The following CSMD1 variants were observed in gnomAD, a reference collection of about 807,000 sequenced individuals.
CSMD1 encodes the protein CUB and sushi domain-containing protein 1.
A neutral mutation model predicts 417.5 loss-of-function variants in CSMD1; 213 were observed. That is an observed-to-expected ratio of 0.51 (90% CI 0.46 to 0.57). The LOEUF is 0.57. Among genes scored for constraint, CSMD1 ranks in the 20% least tolerant of loss-of-function variants. The pLI is 0.00. For missense variants in CSMD1, 6,923 were observed against 4,529.7 expected (o/e 1.53, Z -15.17); for synonymous variants, 2,862 against 1,736.8 (o/e 1.65, Z -16.11).
intron 1 of CSMD1, among the ~76,000 whole-genome samples, chr8:4,985,460 T>C (rs975830062): frequency 6.6e-6 from 1 of 152,196 alleles, no homozygotes; most frequent in Non-Finnish European, 1.5e-5. Flanking sequence ...GTTTGGCACA[T>C]GCCATAATTC....
chr8:3,593,053 G>C (rs1295466531), intron 8 of CSMD1, among the ~76,000 whole-genome samples: 3 of 152,156 alleles, frequency 2.0e-5, no homozygotes, highest in Non-Finnish European at 4.4e-5. Flanking sequence ...GCCCTGGCTG[G>C]GGGGTCCTGC....
chr8:2,993,417 G>C (rs752970109), intron 54 of CSMD1, among the ~76,000 whole-genome samples: 5 of 152,110 alleles, frequency 3.3e-5, no homozygotes, highest in African/African-American at 4.8e-5. Context: ...CCCCTGTCCG[G>C]CATCACTTTC....
chr8:3,556,628 G>A (rs1034109262), intron 10 of CSMD1, among the ~76,000 whole-genome samples: 4 of 151,274 alleles, frequency 2.6e-5, no homozygotes, highest in Admixed American at 1.3e-4. Flanking sequence ...AAACATTGTC[G>A]TGGGGGCTGC....
chr8:4,306,381 G>A (rs1798247400), intron 3 of CSMD1, among the ~76,000 whole-genome samples: 1 of 131,848 alleles, frequency 7.6e-6, no homozygotes, highest in African/African-American at 3.0e-5. Context: ...CTCTGATAAT[G>A]CTGGATTAAA....
At chr8:4,695,203 C>T (rs1425991505) in intron 1 of CSMD1, among the ~76,000 whole-genome samples, 1 of 152,026 alleles carries the variant, frequency 6.6e-6, no homozygotes, top group Non-Finnish European at 1.5e-5. Flanking sequence ...TTGTCATTTC[C>T]CTTCCTATGG....
intron 3 of CSMD1, among the ~76,000 whole-genome samples, chr8:4,191,737 G>C (rs1230863037): frequency 2.1e-5 from 2 of 95,744 alleles, no homozygotes; most frequent in Admixed American, 1.5e-4. Flanking sequence ...AAAAGGGAAG[G>C]TCATTCCAAA....
chr8:4,587,295 C>G (rs1191809564), intron 2 of CSMD1, among the ~76,000 whole-genome samples: 1 of 152,050 alleles, frequency 6.6e-6, no homozygotes, highest in Non-Finnish European at 1.5e-5. Flanking sequence ...GCTTAATGTT[C>G]TTTTACTCAC....
chr8:4,414,353 A>C (rs1796811545), intron 3 of CSMD1, among the ~76,000 whole-genome samples: 1 of 152,190 alleles, frequency 6.6e-6, no homozygotes, highest in Admixed American at 6.5e-5. Context: ...CTAGCAGCCC[A>C]GATTCACTTT....
chr8:4,035,560 G>C lies in CSMD1; in HGVS notation c.416-3461C>G, dbSNP rs113193335. ...AGGTGGAAGAGATGACCCCGTGCAG[G>C]CCTAGGCTAGGGTGTGTGTTTGAGT... On this transcript the variant is annotated intron_variant, in intron 3 of 69. Transcript: ENST00000635120. Among the ~76,000 whole-genome samples the C allele has an allele frequency of 2.1e-3, 322 of 152,246 alleles. 2 individuals are homozygous for C. The highest frequency in any genetic ancestry group is 7.4e-3 in the African/African-American group (309 of 41,562).
At chr8:4,973,226 G>C (rs1001876414) in intron 1 of CSMD1, among the ~76,000 whole-genome samples, 2 of 152,222 alleles carry the variant, frequency 1.3e-5, no homozygotes, top group South Asian at 2.1e-4. Context: ...ATTATTGAGA[G>C]AAAGCATTTT....
chr8:3,369,218 T>G, intron 19 of CSMD1, 36 bp downstream of exon 19: 1 of 996,658 alleles, frequency 1.0e-6, no homozygotes, highest in Non-Finnish European at 1.6e-6. Context: ...TCTCATTTAT[T>G]AGTCTGTATG....
intron 7 of CSMD1, among the ~76,000 whole-genome samples, chr8:3,656,239 G>A (rs1265516923): frequency 3.3e-5 from 5 of 152,082 alleles, no homozygotes; most frequent in African/African-American, 7.2e-5. Flanking sequence ...GAGGGACCCA[G>A]GTAAACAGGA....
chr8:3,268,720 T>C (rs1281537244), intron 26 of CSMD1, among the ~76,000 whole-genome samples: 2 of 152,152 alleles, frequency 1.3e-5, no homozygotes, highest in Admixed American at 1.3e-4. Flanking sequence ...ACCATTTCTT[T>C]CTCCATGGGG....
At chr8:3,631,859 T>C (rs1334676607) in intron 7 of CSMD1, among the ~76,000 whole-genome samples, 10 of 152,122 alleles carry the variant, frequency 6.6e-5, no homozygotes, top group East Asian at 1.9e-4. Context: ...AAAACGTGAA[T>C]TCCCCCCTGG....
intron 41 of CSMD1, among the ~76,000 whole-genome samples, chr8:3,127,144 G>C (rs1359659618): frequency 1.3e-5 from 2 of 152,188 alleles, no homozygotes; most frequent in Non-Finnish European, 2.9e-5. Context: ...GGGAATCTTA[G>C]CCTTTTCTGT....
intron 1 of CSMD1, among the ~76,000 whole-genome samples, chr8:4,665,391 G>A (rs1314721440): frequency 6.6e-6 from 1 of 152,184 alleles, no homozygotes; most frequent in Non-Finnish European, 1.5e-5. Flanking sequence ...ACGGGTCCAT[G>A]AGTCGTGAAA....
chr8:4,533,392 T>C (rs1369625070), intron 2 of CSMD1, among the ~76,000 whole-genome samples: 2 of 152,202 alleles, frequency 1.3e-5, no homozygotes, highest in African/African-American at 4.8e-5. Context: ...GTGAGATCCA[T>C]ATGACCAGGA....
In CSMD1 at chr8:3,930,079, T is replaced by C. The variant is rs556260172; in HGVS notation, c.818+67824A>G. Among the ~76,000 whole-genome samples the C allele has an allele frequency of 2.3e-4, 35 of 150,638 alleles. 1 individual carries two copies. Among genetic ancestry groups the C allele is most frequent in the Middle Eastern group, 6.8e-3 (2 of 294 alleles). ...GGTATGTGTTACCTAGGCATGTTTT[T>C]CTTCCTTGGAAGATTATCTTTATTT... On this transcript the variant is annotated intron_variant, in intron 5 of 69. Coordinates refer to ENST00000635120, the MANE Select transcript of CSMD1 (RefSeq NM_033225.6).
intron 4 of CSMD1, among the ~76,000 whole-genome samples, chr8:4,020,305 G>C (rs192552418): frequency 1.4e-4 from 21 of 152,342 alleles, no homozygotes; most frequent in African/African-American, 5.1e-4. Context: ...TGCTGAACAA[G>C]CTGTTTCACC....
Sources: gnomAD v4.1 joint callset for allele counts (sites outside exome capture counted in the v4.1 genomes callset) on GRCh38, gnomAD v4.1.1 for gene constraint, MANE v1.5 for transcripts, NCBI Gene and HGNC (gene_info 2026-07-23, HGNC 2026-07-21) for gene names.